PCDHGA3: variants seen among roughly 807,000 people sequenced by gnomAD.
PCDHGA3 encodes the protein protocadherin gamma-A3.
In PCDHGA3, 40 loss-of-function variants were observed where a neutral mutation model predicts 58.5. The ratio of observed to expected loss-of-function variants is 0.68; its 90% CI spans 0.53 to 0.89. The LOEUF is 0.89. PCDHGA3 is among the 40% of genes least tolerant of loss of function. The pLI is 0.00. For synonymous variants in PCDHGA3, 530 were observed against 525.7 expected (o/e 1.01, Z -0.11); for missense variants, 1,223 against 1,195.9 (o/e 1.02, Z -0.33).
chr5:141,498,437 G>C (rs996627716), intron 2 of PCDHGA3, among the ~76,000 whole-genome samples: 1 of 152,170 alleles, frequency 6.6e-6, no homozygotes, highest in Non-Finnish European at 1.5e-5. Flanking sequence ...GGGATGAAGA[G>C]GAGAGGTTCC....
At chr5:141,365,050 C>A (rs1763704245) in intron 1 of PCDHGA3, 1 of 1,613,882 alleles carries the variant, frequency 6.2e-7, no homozygotes, top group African/African-American at 1.3e-5. Flanking sequence ...ACAATGCGCC[C>A]CTGTTCACCC....
At chr5:141,435,446 G>C (rs889481920) in intron 1 of PCDHGA3, among the ~76,000 whole-genome samples, 5 of 152,060 alleles carry the variant, frequency 3.3e-5, no homozygotes, top group African/African-American at 2.4e-5. Context: ...TCATTAATAC[G>C]ATATCTGTAT....
intron 1 of PCDHGA3, among the ~76,000 whole-genome samples, chr5:141,348,573 T>C (rs1163428594): frequency 6.6e-6 from 1 of 152,218 alleles, no homozygotes. Context: ...AGCCTACATA[T>C]GTGTCATGAA....
chr5:141,378,325 C>A (rs1344220335), intron 1 of PCDHGA3: 3 of 152,200 alleles, frequency 2.0e-5, no homozygotes, highest in African/African-American at 7.2e-5. Flanking sequence ...GAGTTCGAGA[C>A]CAGCCTGACC....
At chr5:141,452,527 G>A (rs1164238830) in intron 1 of PCDHGA3, among the ~76,000 whole-genome samples, 1 of 152,156 alleles carries the variant, frequency 6.6e-6, no homozygotes, top group Non-Finnish European at 1.5e-5. Flanking sequence ...TCAAAATCGT[G>A]AGTTCATATT....
At chr5:141,408,479 G>A in intron 1 of PCDHGA3, 1 of 1,614,074 alleles carries the variant, frequency 6.2e-7, no homozygotes, top group Non-Finnish European at 8.5e-7. Flanking sequence ...AATAGACCGT[G>A]AGCAAATATG....
At chr5:141,450,702 G>A (rs1466981422) in intron 1 of PCDHGA3, among the ~76,000 whole-genome samples, 1 of 152,026 alleles carries the variant, frequency 6.6e-6, no homozygotes, top group Non-Finnish European at 1.5e-5. Flanking sequence ...GCCCAGGATG[G>A]TCTCCAACTC....
rs760509503 is a variant in PCDHGA3 at position 141,432,756 on chromosome 5, A to T, written c.2425-62051A>T. The T allele has an allele frequency of 5.6e-6, 9 of 1,613,958 alleles. No homozygotes were observed. Among genetic ancestry groups the T allele is most frequent in the Non-Finnish European group, 7.6e-6 (9 of 1,179,994 alleles). On this transcript the variant is annotated intron_variant, in intron 1 of 3. Transcript: ENST00000253812. This position sits in a 1 kb window ranked among gnomAD's most constrained non-coding sequence, Gnocchi z 6.0. ...GTCACGCTCACCGTGGCCGTGGCCG[A>T]CAGCATCCCCCAAGTCCTGGCGGAC...
At chr5:141,354,514 A>G (rs1759561296) in intron 1 of PCDHGA3, among the ~76,000 whole-genome samples, 1 of 152,188 alleles carries the variant, frequency 6.6e-6, no homozygotes, top group South Asian at 2.1e-4. Flanking sequence ...TTTGCAAGGG[A>G]ATTGAAGCAT....
At chr5:141,361,723 C>T (rs1282437481) in intron 1 of PCDHGA3, 3 of 1,613,236 alleles carry the variant, frequency 1.9e-6, no homozygotes, top group Non-Finnish European at 2.5e-6. Context: ...CGCCTTCGAG[C>T]TCACACTGCA....
intron 1 of PCDHGA3, chr5:141,410,277 T>A (rs1461250700): frequency 1.9e-6 from 3 of 1,613,896 alleles, no homozygotes; most frequent in Non-Finnish European, 2.5e-6. Context: ...CAGTTTTACC[T>A]GGTGGTGGCC....
intron 1 of PCDHGA3, among the ~76,000 whole-genome samples, chr5:141,457,612 G>T (rs1011626121): frequency 1.8e-4 from 27 of 152,232 alleles, no homozygotes; most frequent in Non-Finnish European, 2.9e-4. Flanking sequence ...AATTATGAAT[G>T]AACTTTAATC....
chr5:141,410,849 C>CTTTTTTTTCTTTTTT (rs2095433387), intron 1 of PCDHGA3: 1 of 129,786 alleles, frequency 7.7e-6, no homozygotes, highest in African/African-American at 6.0e-5. Context: ...TTGTCTTTGT[C>CTTTTTTTTCTTTTTT]TTTTTTTTTT....
intron 1 of PCDHGA3, chr5:141,398,931 C>G (rs1442157400): frequency 6.2e-7 from 1 of 1,613,956 alleles, no homozygotes; most frequent in Admixed American, 1.7e-5. Flanking sequence ...CAGCCACTGA[C>G]CAAGACGAGG....
chr5:141,431,790 C>T lies in PCDHGA3; in HGVS notation c.2425-63017C>T, dbSNP rs2097417829. On this transcript the variant is annotated intron_variant, in intron 1 of 3. Transcript: ENST00000253812. This position sits in a 1 kb window ranked among gnomAD's most constrained non-coding sequence, Gnocchi z 4.8. The stretch of plus-strand genomic sequence containing the variant: ...ACTGTTCTGGACGTGAACGACAATG[C>T]CCCAGAAGTGGTCCTCACCTCTCTC... 4.3e-6 allele frequency: 7 copies of T among 1,614,186 alleles called. No individual in the cohort carries two copies. The highest frequency in any genetic ancestry group is 5.9e-6 in the Non-Finnish European group (7 of 1,180,016).
At chr5:141,456,897 A>G (rs1351271896) in intron 1 of PCDHGA3, among the ~76,000 whole-genome samples, 2 of 152,178 alleles carry the variant, frequency 1.3e-5, no homozygotes, top group Admixed American at 1.3e-4. Context: ...CGGGAGGCAG[A>G]GGTTGCAGTG....
At chr5:141,462,280 C>T (rs927977920) in intron 1 of PCDHGA3, among the ~76,000 whole-genome samples, 15 of 152,146 alleles carry the variant, frequency 9.9e-5, no homozygotes, top group African/African-American at 3.4e-4. Context: ...TGTTTAGTCA[C>T]CAAATATGTA....
Position 141,511,253 on chromosome 5 carries a change from A to G in PCDHGA3, c.*80A>G. The G allele has an allele frequency of 1.3e-6, 2 of 1,568,402 alleles. No homozygotes were observed. The highest frequency in any genetic ancestry group is 1.7e-6 in the Non-Finnish European group (2 of 1,157,066). On this transcript the variant is annotated 3_prime_UTR_variant, in exon 4 of 4. Coordinates refer to ENST00000253812, the MANE Select transcript of PCDHGA3 (RefSeq NM_018916.4). ...CTCCTTACCTGCACCCAGGCCTCAG[A>G]GTTTCAGGGCTAACCCCCAGAATAC...
rs549647263 is a variant in PCDHGA3 at position 141,364,755 on chromosome 5, T to C, written c.2424+18298T>C. Reference sequence around the variant, plus strand: ...CGGGATGAAGAGTTAAAAGTAAAAGTTAATGAAAATGCGGCTGCAGGGACA... The same window carrying C: ...CGGGATGAAGAGTTAAAAGTAAAAGCTAATGAAAATGCGGCTGCAGGGACA... On this transcript the variant is annotated intron_variant, in intron 1 of 3. Coordinates refer to ENST00000253812, the MANE Select transcript of PCDHGA3 (RefSeq NM_018916.4). The C allele has an allele frequency of 1.7e-5, 27 of 1,613,958 alleles. No homozygotes were observed. The East Asian group carries it at 6.0e-4, about 36-fold the overall frequency.
Sources: allele counts gnomAD v4.1 joint callset (sites outside exome capture counted in the v4.1 genomes callset), GRCh38; gene constraint gnomAD v4.1.1; non-coding constraint Gnocchi (gnomAD v3.1); transcripts MANE v1.5; gene names NCBI Gene and HGNC (gene_info 2026-07-23, HGNC 2026-07-21).